PARVA: variants seen among roughly 807,000 people sequenced by gnomAD.
The protein encoded by PARVA is alpha-parvin.
Under a neutral mutation model 52.6 loss-of-function variants are expected in PARVA, and 25 were observed. The observed-to-expected ratio is 0.48, with a 90% CI of 0.35 to 0.66. The LOEUF (loss-of-function observed/expected upper bound fraction) is 0.66. PARVA is among the 30% of genes least tolerant of loss of function. The pLI is 0.01. For missense variants in PARVA, 373 were observed against 450.9 expected (o/e 0.83, Z 1.56); for synonymous variants, 185 against 179.1 (o/e 1.03, Z -0.26).
upstream of PARVA, among the ~76,000 whole-genome samples, chr11:12,376,491 T>C (rs944281970): frequency 1.7e-4 from 26 of 152,220 alleles, no homozygotes; most frequent in African/African-American, 6.0e-4. Flanking sequence ...TTGCGAATGA[T>C]CATCAGTCAC....
At position 12,533,631 on chromosome 11, in the gene PARVA, C is replaced by T. The variant is rs952813195; in HGVS notation, c.*5706C>T. Among the ~76,000 whole-genome samples the T allele has an allele frequency of 5.9e-5, 9 of 152,256 alleles. No homozygotes were observed. The highest frequency in any genetic ancestry group is 3.9e-4 in the East Asian group (2 of 5,186). On this transcript the variant is annotated 3_prime_UTR_variant, in exon 13 of 13. Transcript: ENST00000334956. ...ATAATACTAATAGCCTTACTGAACA[C>T]GGTCAATTAACACATAGCTAGTATG...
intron 5 of PARVA, among the ~76,000 whole-genome samples, chr11:12,501,722 C>T (rs551647182): frequency 9.9e-5 from 15 of 152,016 alleles, no homozygotes; most frequent in Admixed American, 6.6e-4. Flanking sequence ...GTACACGTAG[C>T]GTAGTATGTA....
At chr11:12,500,007 A>C (rs983437174) in intron 5 of PARVA, among the ~76,000 whole-genome samples, 8 of 152,156 alleles carry the variant, frequency 5.3e-5, no homozygotes, top group African/African-American at 1.9e-4. Context: ...TTTCCCACTG[A>C]TATCAATACA....
intron 6 of PARVA, among the ~76,000 whole-genome samples, chr11:12,504,954 G>T (rs528047251): frequency 6.6e-6 from 1 of 152,274 alleles, no homozygotes; most frequent in African/African-American, 2.4e-5. Context: ...AACTGGCCAT[G>T]TCTGTAGTGA....
At chr11:12,468,122 A>C (rs1024375626) in intron 1 of PARVA, among the ~76,000 whole-genome samples, 2 of 152,152 alleles carry the variant, frequency 1.3e-5, no homozygotes, top group African/African-American at 4.8e-5. Flanking sequence ...CTCCATCCAA[A>C]GTTAGCCTTG....
At chr11:12,407,054 A>G (rs567672953) in intron 1 of PARVA, among the ~76,000 whole-genome samples, 3 of 152,264 alleles carry the variant, frequency 2.0e-5, no homozygotes, top group African/African-American at 7.2e-5. Context: ...ACCCTAGAAT[A>G]TATTCATTAG....
intron 1 of PARVA, among the ~76,000 whole-genome samples, chr11:12,422,774 A>G (rs1201204516): frequency 6.6e-6 from 1 of 152,140 alleles, no homozygotes; most frequent in Non-Finnish European, 1.5e-5. Flanking sequence ...TTTTATTATT[A>G]TTTTGGATTA....
rs946311140 is a variant in PARVA, at chr11:12,534,431, CT to C, written c.*6509del. ...CTCAACTCCCCTGAACCCTCCTGAA[CT>C]TTCTACACACATGTGGGCACTGGCT... On this transcript the variant is annotated 3_prime_UTR_variant, in exon 13 of 13. Transcript: ENST00000334956. Among the ~76,000 whole-genome samples the C allele has an allele frequency of 1.3e-5, 2 of 152,146 alleles. No individual in the cohort carries two copies. Among genetic ancestry groups the C allele is most frequent in the African/African-American group, 4.8e-5 (2 of 41,414 alleles).
intron 9 of PARVA, chr11:12,513,765 C>A (rs2135078568): frequency 1.7e-6 from 1 of 594,220 alleles, no homozygotes; most frequent in South Asian, 2.0e-5. Context: ...CCTCTTGGGA[C>A]CTCCTTGTTC....
rs1940965918 is a variant in PARVA, at chr11:12,473,803, C to T, written c.195C>T (p.Pro65=). The T allele has an allele frequency of 5.7e-6, 9 of 1,572,412 alleles. No individual in the cohort carries two copies. The East Asian group carries it at 2.1e-4, about 37-fold the overall frequency. ...TCAACCTGCCCCTCAGCCCAATTCC[C>T]TTTGAGCTGGACCCCGAGGACACGA... is the stretch of plus-strand genomic sequence containing the variant. ...NAINLPLSPI[P]FELDPEDTML... The change falls in exon 2 of 13, where the codon CCC becomes CCT. Residue 65 remains proline (P), a synonymous_variant. Coordinates refer to ENST00000334956, the MANE Select transcript of PARVA (RefSeq NM_018222.5).
chr11:12,414,967 G>A (rs1199593655), intron 1 of PARVA, among the ~76,000 whole-genome samples: 1 of 152,188 alleles, frequency 6.6e-6, no homozygotes, highest in African/African-American at 2.4e-5. Flanking sequence ...ACAGTCTCAA[G>A]GGCAGTGTTC....
At chr11:12,463,507 A>G (rs1182910188) in intron 1 of PARVA, among the ~76,000 whole-genome samples, 1 of 152,194 alleles carries the variant, frequency 6.6e-6, no homozygotes, top group Non-Finnish European at 1.5e-5. Context: ...ACAGAGGTAA[A>G]GTGCCATTTT....
At chr11:12,501,106 C>CA (rs112564187) in intron 5 of PARVA, among the ~76,000 whole-genome samples, 6,856 of 132,268 alleles carry the variant, frequency 0.052, 347 homozygotes, top group African/African-American at 0.12. Context: ...AAATCCATCT[C>CA]AAAAAAAAAA....
intron 4 of PARVA, among the ~76,000 whole-genome samples, chr11:12,488,759 A>C (rs1399120042): frequency 6.6e-6 from 1 of 152,198 alleles, no homozygotes; most frequent in Non-Finnish European, 1.5e-5. Flanking sequence ...GATTCACAGT[A>C]CTTATGTGAC....
intron 6 of PARVA, among the ~76,000 whole-genome samples, chr11:12,507,393 G>A (rs1272473822): frequency 1.3e-5 from 2 of 152,168 alleles, no homozygotes; most frequent in Non-Finnish European, 2.9e-5. Context: ...ACACCCATCA[G>A]AAAGTCTTCC....
intron 1 of PARVA, among the ~76,000 whole-genome samples, chr11:12,440,447 G>T (rs1554895982): frequency 6.6e-6 from 1 of 152,188 alleles, no homozygotes; most frequent in Non-Finnish European, 1.5e-5. Context: ...GTGAACTGGG[G>T]CTCTGTATTA....
intron 1 of PARVA, among the ~76,000 whole-genome samples, chr11:12,457,265 C>T (rs1251568553): frequency 1.3e-5 from 2 of 152,174 alleles, no homozygotes; most frequent in Non-Finnish European, 1.5e-5. Context: ...AATAGGTTCT[C>T]TGTACAGATT....
chr11:12,469,023 G>A (rs926304641), intron 1 of PARVA, among the ~76,000 whole-genome samples: 3 of 152,194 alleles, frequency 2.0e-5, no homozygotes, highest in African/African-American at 7.2e-5. Context: ...GCATAGGAGG[G>A]AGGGGTGTAT....
intron 6 of PARVA, among the ~76,000 whole-genome samples, chr11:12,505,023 T>C (rs1941417103): frequency 6.6e-6 from 1 of 152,164 alleles, no homozygotes; most frequent in South Asian, 2.1e-4. Flanking sequence ...AGTCATCTTT[T>C]CCAGATTGTT....
Sources: gnomAD v4.1 joint callset for allele counts (sites outside exome capture counted in the v4.1 genomes callset) on GRCh38, gnomAD v4.1.1 for gene constraint, MANE v1.5 for transcripts, NCBI Gene and HGNC (gene_info 2026-07-23, HGNC 2026-07-21) for gene names.